OTUD7A: variants seen among roughly 807,000 people sequenced by gnomAD.
The protein encoded by OTUD7A is OTU domain-containing protein 7A.
A neutral mutation model predicts 65.7 loss-of-function variants in OTUD7A; 12 were observed. The observed-to-expected ratio is 0.18, with a 90% CI of 0.12 to 0.30. The LOEUF (loss-of-function observed/expected upper bound fraction) is 0.30. Among genes scored for constraint, OTUD7A ranks in the 10% least tolerant of loss-of-function variants. The pLI is 1.00. For missense variants in OTUD7A, 1,148 were observed against 1,304.8 expected, an observed-to-expected ratio of 0.88 and a Z score of 1.85; for synonymous variants, 641 against 586.3, an observed-to-expected ratio of 1.09 and a Z score of -1.35.
chr15:31,690,627 C>T (rs1323543637), intron 1 of OTUD7A, among the ~76,000 whole-genome samples: 1 of 152,228 alleles, frequency 6.6e-6, no homozygotes, highest in Non-Finnish European at 1.5e-5. Context: ...AAGGGTGCCA[C>T]ACATGGCCTC....
intron 3 of OTUD7A, among the ~76,000 whole-genome samples, chr15:31,592,536 G>C (rs1197104553): frequency 1.3e-5 from 2 of 151,908 alleles, no homozygotes; most frequent in Admixed American, 6.6e-5. Flanking sequence ...GTCTTCTTCT[G>C]GAACACTTCC....
intron 4 of OTUD7A, among the ~76,000 whole-genome samples, chr15:31,565,155 T>C (rs1478406488): frequency 3.9e-5 from 6 of 152,190 alleles, no homozygotes; most frequent in Admixed American, 3.9e-4. Context: ...TAATCCAAGA[T>C]ATAGATTCAA....
At chr15:31,613,463 C>T (rs564146275) in intron 3 of OTUD7A, among the ~76,000 whole-genome samples, 44 of 152,108 alleles carry the variant, frequency 2.9e-4, no homozygotes, top group African/African-American at 1.1e-3. Context: ...AAAAAACAAA[C>T]AATCCCGTCA....
At chr15:31,868,788 T>G (rs1045240327) in intron 1 of OTUD7A, among the ~76,000 whole-genome samples, 1 of 152,182 alleles carries the variant, frequency 6.6e-6, no homozygotes, top group African/African-American at 2.4e-5. Context: ...CAATACTTCG[T>G]AAAGCGGCGA....
At chr15:31,638,852 A>G (rs985644007) in intron 3 of OTUD7A, among the ~76,000 whole-genome samples, 4 of 152,262 alleles carry the variant, frequency 2.6e-5, no homozygotes, top group South Asian at 2.1e-4. Flanking sequence ...AAGATTCCTC[A>G]GGCCAGGTGC....
intron 1 of OTUD7A, among the ~76,000 whole-genome samples, chr15:31,862,676 C>T (rs1401479852): frequency 6.6e-6 from 1 of 152,186 alleles, no homozygotes; most frequent in East Asian, 1.9e-4. Context: ...CCCTGAGTCC[C>T]TCCCATAACA....
chr15:31,726,930 T>C (rs1893907486), intron 1 of OTUD7A, among the ~76,000 whole-genome samples: 1 of 152,240 alleles, frequency 6.6e-6, no homozygotes, highest in Non-Finnish European at 1.5e-5. Context: ...TGCTTCACTA[T>C]GTCCTATTAC....
rs148473259 is a variant in OTUD7A at position 31,721,844 on chromosome 15, G to A, written c.-99-64767C>T. Among the ~76,000 whole-genome samples the A allele has an allele frequency of 1.9e-4, 29 of 152,322 alleles. No homozygotes were observed. The East Asian group carries it at 4.6e-3, about 24-fold the overall frequency. ...GTGTCACGGGACTGAAGGCAAATGC[G>A]CTGCACAGCAGCCTCCGCATCGGAC... On this transcript the variant is annotated intron_variant, in intron 1 of 12. Transcript: ENST00000307050.
At chr15:31,739,840 G>A (rs1894291411) in intron 1 of OTUD7A, among the ~76,000 whole-genome samples, 1 of 152,218 alleles carries the variant, frequency 6.6e-6, no homozygotes, top group Admixed American at 6.5e-5. Flanking sequence ...CCAAAGTGCT[G>A]GGATTAAAGG....
intron 1 of OTUD7A, among the ~76,000 whole-genome samples, chr15:31,836,657 G>A (rs1938468445): frequency 6.6e-6 from 1 of 152,104 alleles, no homozygotes; most frequent in African/African-American, 2.4e-5. Flanking sequence ...GACCAAGTAG[G>A]CTTGATTCCA....
intron 1 of OTUD7A, among the ~76,000 whole-genome samples, chr15:31,698,325 T>A (rs1301267420): frequency 2.0e-5 from 3 of 152,238 alleles, no homozygotes; most frequent in Admixed American, 1.3e-4. Context: ...TTGATACTTC[T>A]GCAAAGAGAC....
At chr15:31,847,558 C>A (rs1230796310) in intron 1 of OTUD7A, among the ~76,000 whole-genome samples, 1 of 152,128 alleles carries the variant, frequency 6.6e-6, no homozygotes, top group Non-Finnish European at 1.5e-5. Context: ...TGTGGGGGCA[C>A]TGAAGGCATA....
intron 1 of OTUD7A, among the ~76,000 whole-genome samples, chr15:31,774,806 A>G (rs1180815827): frequency 6.6e-6 from 1 of 152,106 alleles, no homozygotes; most frequent in Non-Finnish European, 1.5e-5. Flanking sequence ...TAACAGCAAA[A>G]GCTTATAACA....
intron 10 of OTUD7A, among the ~76,000 whole-genome samples, chr15:31,495,524 AC>A (rs1364003016): frequency 6.6e-6 from 1 of 151,852 alleles, no homozygotes; most frequent in Non-Finnish European, 1.5e-5. Flanking sequence ...TCGGCCTCTC[AC>A]CCCTTAGCCA....
At chr15:31,833,083 T>C (rs1399320012) in intron 1 of OTUD7A, among the ~76,000 whole-genome samples, 1 of 152,216 alleles carries the variant, frequency 6.6e-6, no homozygotes, top group East Asian at 1.9e-4. Context: ...CTGTTTTTAT[T>C]TTTGATAGTG....
At chr15:31,768,232 C>T (rs1895140239) in intron 1 of OTUD7A, 2 of 920,816 alleles carry the variant, frequency 2.2e-6, no homozygotes, top group Admixed American at 1.7e-5. Context: ...GCATCCATGG[C>T]AGTGTAGGTG....
At chr15:31,800,618 T>G (rs1031610267) in intron 1 of OTUD7A, among the ~76,000 whole-genome samples, 10 of 152,152 alleles carry the variant, frequency 6.6e-5, no homozygotes, top group African/African-American at 2.4e-5. Context: ...TCCCATGCTC[T>G]GCTGCACAGA....
rs1567034235 is a variant in OTUD7A, at chr15:31,808,129, ACACACACAAAC to A, written c.-100+62367_-100+62377del. 3.2e-3 allele frequency among the ~76,000 whole-genome samples: 368 copies of A among 114,924 alleles called. 3 individuals carry two copies. The highest frequency in any genetic ancestry group is 0.032 in the Middle Eastern group (7 of 222). The allele number at this position is 114,924 out of a possible 152,430, so 75.4% of individuals were successfully genotyped here. On this transcript the variant is annotated intron_variant, in intron 1 of 12. Coordinates refer to ENST00000307050, the MANE Select transcript of OTUD7A (RefSeq NM_001382637.1). ...CACACACACACACACACACACACACACACACACAAACAAATCCTCACCAGGTTTTTCCTTCA... is the reference window on the plus strand; with the variant it reads ...CACACACACACACACACACACACACAAAATCCTCACCAGGTTTTTCCTTCA...
intron 1 of OTUD7A, among the ~76,000 whole-genome samples, chr15:31,868,293 G>A (rs565425512): frequency 2.6e-5 from 4 of 152,328 alleles, no homozygotes; most frequent in Non-Finnish European, 5.9e-5. Context: ...TAAAGATTTA[G>A]TGGAAACACT....
Sources: gnomAD v4.1 joint callset for allele counts (sites outside exome capture counted in the v4.1 genomes callset) on GRCh38, gnomAD v4.1.1 for gene constraint, MANE v1.5 for transcripts, NCBI Gene and HGNC (gene_info 2026-07-23, HGNC 2026-07-21) for gene names.